The following RBFOX1 variants were observed in gnomAD, a reference collection of about 807,000 sequenced individuals.
The protein encoded by RBFOX1 is RNA binding fox-1 homolog 1.
Under a neutral mutation model 57.7 loss-of-function variants are expected in RBFOX1, and 8 were observed. The ratio of observed to expected loss-of-function variants is 0.14; its 90% CI spans 0.08 to 0.25. The LOEUF (loss-of-function observed/expected upper bound fraction) is 0.25. Ranked by LOEUF, RBFOX1 falls within the 10% of genes least tolerant of loss-of-function variation. RBFOX1 has a pLI of 1.00. For missense variants in RBFOX1, 611 were observed against 548.5 expected (o/e 1.11, Z -1.14); for synonymous variants, 326 against 222.4 (o/e 1.47, Z -4.15).
chr16:5,270,467 A>G (rs897759580), intron 1 of RBFOX1: 20 of 755,976 alleles, frequency 2.6e-5, no homozygotes, highest in South Asian at 1.6e-4. Context: ...CTGCCTGACT[A>G]ACTTCTATGG....
At chr16:7,242,026 G>A (rs2094090975) in intron 4 of RBFOX1, among the ~76,000 whole-genome samples, 1 of 151,898 alleles carries the variant, frequency 6.6e-6, no homozygotes, top group African/African-American at 2.4e-5. Context: ...TTTGTGCAGT[G>A]TCCCTGACCA....
In RBFOX1 at chr16:7,033,150, T is replaced by C. The variant is rs143136688; in HGVS notation, c.-15-18907T>C. Reference sequence around the variant, plus strand: ...GAAGAAGGAAAGTGCAGTAAGCAGGTTCTGATGACGAGGCGGTAAAGGTGT... The same window carrying C: ...GAAGAAGGAAAGTGCAGTAAGCAGGCTCTGATGACGAGGCGGTAAAGGTGT... On this transcript the variant is annotated intron_variant, in intron 3 of 15. Transcript: ENST00000550418. 2.8e-4 allele frequency among the ~76,000 whole-genome samples: 43 copies of C among 152,282 alleles called. 1 individual carries two copies. The East Asian group carries it at 7.5e-3, about 27-fold the overall frequency.
intron 3 of RBFOX1, among the ~76,000 whole-genome samples, chr16:6,779,478 GGC>G (rs1465877249): frequency 6.6e-6 from 1 of 151,460 alleles, no homozygotes; most frequent in Non-Finnish European, 1.5e-5. Flanking sequence ...CAATAAACAT[GGC>G]AGTGCACATA....
intron 1 of RBFOX1, among the ~76,000 whole-genome samples, chr16:6,026,953 C>T (rs375236701): frequency 2.4e-4 from 37 of 152,258 alleles, no homozygotes; most frequent in African/African-American, 8.7e-4. Context: ...TAATCACCGT[C>T]ATCTGAATCA....
rs192047137 is a variant in RBFOX1, at chr16:7,513,999, A to T, written c.28-4148A>T. Among the ~76,000 whole-genome samples, 195 of 152,012 alleles carry T rather than the reference A, an allele frequency of 1.3e-3. 2 individuals carry two copies. Among genetic ancestry groups the T allele is most frequent in the Non-Finnish European group, 1.1e-3 (74 of 67,998 alleles). On this transcript the variant is annotated intron_variant, in intron 4 of 15. Coordinates refer to ENST00000550418, the MANE Select transcript of RBFOX1 (RefSeq NM_018723.4). The stretch of plus-strand genomic sequence containing the variant: ...ATACAGGCCCTTTCTCTCTCTTTCT[A>T]CTTCACTGCCTGCTTTATTTCCTGC...
At chr16:5,412,903 C>T (rs1039988917) in intron 1 of RBFOX1, among the ~76,000 whole-genome samples, 8 of 152,170 alleles carry the variant, frequency 5.3e-5, no homozygotes, top group East Asian at 1.9e-4. Flanking sequence ...CAGCGAGAGG[C>T]GCCACCCACC....
chr16:6,827,870 G>A (rs2092345787), intron 3 of RBFOX1, among the ~76,000 whole-genome samples: 1 of 152,154 alleles, frequency 6.6e-6, no homozygotes, highest in African/African-American at 2.4e-5. Context: ...TAGAGCACTG[G>A]GCTATTCTCC....
intron 1 of RBFOX1, among the ~76,000 whole-genome samples, chr16:6,309,056 A>T (rs1354491903): frequency 6.6e-6 from 1 of 152,006 alleles, no homozygotes. Context: ...TTTTATGGAG[A>T]TTGAAATAAT....
At chr16:6,636,847 T>C (rs1316021030) in intron 2 of RBFOX1, among the ~76,000 whole-genome samples, 10 of 102,938 alleles carry the variant, frequency 9.7e-5, no homozygotes, top group Admixed American at 8.5e-4. Flanking sequence ...ATATATAATA[T>C]ATATAATATA....
At chr16:6,915,550 CTTTTT>C (rs141753685) in intron 3 of RBFOX1, among the ~76,000 whole-genome samples, 6 of 123,516 alleles carry the variant, frequency 4.9e-5, no homozygotes, top group Non-Finnish European at 5.1e-5. Flanking sequence ...CCACACCCCC[CTTTTT>C]TTTTTTTTTT....
At chr16:5,525,641 GC>G (rs1217298688) in intron 2 of RBFOX1, among the ~76,000 whole-genome samples, 1 of 151,850 alleles carries the variant, frequency 6.6e-6, no homozygotes, top group Non-Finnish European at 1.5e-5. Flanking sequence ...GGGATTACAG[GC>G]TCCCACCACC....
At chr16:7,032,504 A>C (rs967421663) in intron 3 of RBFOX1, among the ~76,000 whole-genome samples, 2 of 152,156 alleles carry the variant, frequency 1.3e-5, no homozygotes, top group Non-Finnish European at 1.5e-5. Flanking sequence ...AAAGGAAAAA[A>C]ATAAAACCTA....
intron 4 of RBFOX1, among the ~76,000 whole-genome samples, chr16:5,985,772 A>G (rs1489603713): frequency 1.3e-5 from 2 of 152,258 alleles, no homozygotes; most frequent in East Asian, 3.9e-4. Context: ...GTCCTCAGTG[A>G]CCTGCAGCAG....
chr16:7,057,712 A>C (rs967557888), intron 4 of RBFOX1, among the ~76,000 whole-genome samples: 5 of 152,122 alleles, frequency 3.3e-5, no homozygotes, highest in Admixed American at 1.3e-4. Context: ...TAGCTGAGTA[A>C]ATAACACCAT....
chr16:5,641,748 G>T (rs555966673), intron 3 of RBFOX1, among the ~76,000 whole-genome samples: 6 of 152,308 alleles, frequency 3.9e-5, no homozygotes, highest in East Asian at 3.9e-4. Flanking sequence ...CGGAATAAAG[G>T]CAGGGGGTCA....
At chr16:6,618,453 A>G (rs775408080) in intron 2 of RBFOX1, among the ~76,000 whole-genome samples, 5 of 152,232 alleles carry the variant, frequency 3.3e-5, no homozygotes, top group Admixed American at 2.0e-4. Flanking sequence ...CAGAAGTCCT[A>G]CATTCTGATA....
intron 1 of RBFOX1, among the ~76,000 whole-genome samples, chr16:6,134,673 A>T (rs1339197449): frequency 2.1e-5 from 3 of 143,690 alleles, no homozygotes; most frequent in African/African-American, 5.4e-5. Flanking sequence ...TTTGTGCTTG[A>T]ACTCAGAGTA....
intron 2 of RBFOX1, among the ~76,000 whole-genome samples, chr16:6,412,979 T>C (rs1181511155): frequency 6.6e-6 from 1 of 152,200 alleles, no homozygotes; most frequent in African/African-American, 2.4e-5. Flanking sequence ...CCTCAGATAC[T>C]TTAATATTAT....
At chr16:7,183,989 A>G (rs113528207) in intron 4 of RBFOX1, among the ~76,000 whole-genome samples, 3,981 of 152,292 alleles carry the variant, frequency 0.026, 75 homozygotes, top group Non-Finnish European at 0.036. Context: ...CTGAAATAGG[A>G]TGATGTGAAC....
Sources: allele counts gnomAD v4.1 joint callset (sites outside exome capture counted in the v4.1 genomes callset), GRCh38; gene constraint gnomAD v4.1.1; transcripts MANE v1.5; gene names NCBI Gene and HGNC (gene_info 2026-07-23, HGNC 2026-07-21).